GPR158: variants seen among roughly 807,000 people sequenced by gnomAD.
The protein encoded by GPR158 is G protein-coupled receptor 158.
A neutral mutation model predicts 78.2 loss-of-function variants in GPR158; 30 were observed. The observed-to-expected ratio is 0.38, with a 90% confidence interval of 0.29 to 0.52. The LOEUF is 0.52. GPR158 is among the 20% of genes least tolerant of loss of function. The probability of loss-of-function intolerance (pLI) is 0.83; values close to 1 mark genes in which losing one functional copy is unlikely to be tolerated. For synonymous variants in GPR158, 581 were observed against 591.1 expected (o/e 0.98, Z 0.25); for missense variants, 1,463 against 1,523.5 (o/e 0.96, Z 0.66).
At chr10:25,514,806 A>AG (rs1836138437) in intron 5 of GPR158, among the ~76,000 whole-genome samples, 1 of 152,106 alleles carries the variant, frequency 6.6e-6, no homozygotes, top group Non-Finnish European at 1.5e-5. Flanking sequence ...TTCTTGGCTG[A>AG]TAACTGTTTT....
intron 3 of GPR158, among the ~76,000 whole-genome samples, chr10:25,399,023 A>C (rs891713477): frequency 3.7e-4 from 56 of 152,162 alleles, no homozygotes; most frequent in Non-Finnish European, 2.1e-4. Context: ...AGAAATAGTC[A>C]AGACTGAATA....
intron 2 of GPR158, among the ~76,000 whole-genome samples, chr10:25,377,422 G>A (rs1397822471): frequency 6.6e-6 from 1 of 151,912 alleles, no homozygotes; most frequent in Non-Finnish European, 1.5e-5. Flanking sequence ...CCTTTCTAAA[G>A]TGTAGAATTC....
chr10:25,366,498 C>T (rs1245051612), intron 2 of GPR158, among the ~76,000 whole-genome samples: 1 of 151,604 alleles, frequency 6.6e-6, no homozygotes, highest in Non-Finnish European at 1.5e-5. Context: ...GATCTGTGCA[C>T]ACATTGTGGA....
At chr10:25,411,170 A>G (rs1834579952) in intron 3 of GPR158, among the ~76,000 whole-genome samples, 1 of 152,030 alleles carries the variant, frequency 6.6e-6, no homozygotes. Flanking sequence ...ACTATTAAAG[A>G]TAATCTTTAC....
At chr10:25,388,747 C>T (rs2130517550) in intron 2 of GPR158, among the ~76,000 whole-genome samples, 1 of 152,326 alleles carries the variant, frequency 6.6e-6, no homozygotes, top group East Asian at 1.9e-4. Context: ...GCTGCAGCTG[C>T]CCAAGTTGTG....
At chr10:25,254,135 C>A (rs1853856501) in intron 2 of GPR158, among the ~76,000 whole-genome samples, 2 of 152,140 alleles carry the variant, frequency 1.3e-5, no homozygotes, top group African/African-American at 2.4e-5. Flanking sequence ...TATTCTACTG[C>A]TTGTACTTGG....
chr10:25,520,568 C>G (rs1366129414), intron 5 of GPR158, among the ~76,000 whole-genome samples: 4 of 150,230 alleles, frequency 2.7e-5, no homozygotes, highest in South Asian at 2.1e-4. Flanking sequence ...GATGTCCTTT[C>G]TGTTTGTTAG....
rs578086039 is a variant in GPR158, at chr10:25,292,539, C to T, written c.1008+71382C>T. Among the ~76,000 whole-genome samples the T allele has an allele frequency of 1.5e-3, 232 of 152,048 alleles. 1 individual carries two copies. Among genetic ancestry groups the T allele is most frequent in the African/African-American group, 5.4e-3 (223 of 41,470 alleles). On this transcript the variant is annotated intron_variant, in intron 2 of 10. Transcript: ENST00000376351. Reference sequence around the variant, plus strand: ...ACTCTCTTTTTATCATTAGATTATTCGCTCTATATAGCAGAATCATTGAAT... The same window carrying T: ...ACTCTCTTTTTATCATTAGATTATTTGCTCTATATAGCAGAATCATTGAAT...
intron 2 of GPR158, among the ~76,000 whole-genome samples, chr10:25,237,094 G>A (rs946289681): frequency 9.9e-5 from 15 of 152,186 alleles, no homozygotes; most frequent in Admixed American, 8.5e-4. Flanking sequence ...GGCAAGGGCT[G>A]TGACCTACTT....
chr10:25,468,040 G>A (rs1835449308), intron 5 of GPR158, among the ~76,000 whole-genome samples: 2 of 152,094 alleles, frequency 1.3e-5, no homozygotes, highest in Admixed American at 6.6e-5. Flanking sequence ...AGGTCGTATC[G>A]TGGTTAAATC....
At chr10:25,280,897 A>G (rs1295052177) in intron 2 of GPR158, among the ~76,000 whole-genome samples, 2 of 152,116 alleles carry the variant, frequency 1.3e-5, no homozygotes, top group East Asian at 1.9e-4. Context: ...GCACTTTGGG[A>G]GGCTGAAGGG....
chr10:25,454,561 C>T (rs1564460068), intron 4 of GPR158, among the ~76,000 whole-genome samples: 1 of 152,056 alleles, frequency 6.6e-6, no homozygotes, highest in Non-Finnish European at 1.5e-5. Context: ...AATGGGAGGG[C>T]TAATGGCAGG....
chr10:25,266,629 T>C (rs1854048277), intron 2 of GPR158, among the ~76,000 whole-genome samples: 1 of 152,170 alleles, frequency 6.6e-6, no homozygotes, highest in Non-Finnish European at 1.5e-5. Flanking sequence ...AAGGAAGCTG[T>C]TTCCTTTTTT....
At chr10:25,213,477 T>G (rs1455387822) in intron 1 of GPR158, among the ~76,000 whole-genome samples, 2 of 152,186 alleles carry the variant, frequency 1.3e-5, no homozygotes, top group African/African-American at 4.8e-5. Flanking sequence ...TTCCACTATA[T>G]CATGACATAA....
intron 5 of GPR158, among the ~76,000 whole-genome samples, chr10:25,474,909 A>G (rs76870104): frequency 0.078 from 11,887 of 151,784 alleles, 1,074 homozygotes; most frequent in African/African-American, 0.22. Flanking sequence ...TTAGGCAATA[A>G]AAACACTTTC....
intron 6 of GPR158, among the ~76,000 whole-genome samples, chr10:25,553,560 C>T (rs1836752158): frequency 6.6e-6 from 1 of 152,100 alleles, no homozygotes; most frequent in Non-Finnish European, 1.5e-5. Context: ...ATGTGAACAA[C>T]CTGAAGGAAG....
chr10:25,262,661 C>G (rs973972344), intron 2 of GPR158, among the ~76,000 whole-genome samples: 2 of 152,164 alleles, frequency 1.3e-5, no homozygotes, highest in Non-Finnish European at 2.9e-5. Context: ...GAACCTCCCC[C>G]ACTGTCTACA....
chr10:25,404,309 G>A (rs1834483541), intron 3 of GPR158, among the ~76,000 whole-genome samples: 1 of 152,004 alleles, frequency 6.6e-6, no homozygotes. Context: ...GTCAAATGAA[G>A]TTAAATACAT....
At chr10:25,339,176 G>A (rs78148465) in intron 2 of GPR158, among the ~76,000 whole-genome samples, 21,941 of 151,560 alleles carry the variant, frequency 0.14, 3,023 homozygotes, top group African/African-American at 0.36. Context: ...TTATACAGAT[G>A]GGGTCTTGCT....
Sources: gnomAD v4.1 joint callset for allele counts (sites outside exome capture counted in the v4.1 genomes callset) on GRCh38, gnomAD v4.1.1 for gene constraint, MANE v1.5 for transcripts, NCBI Gene and HGNC (gene_info 2026-07-23, HGNC 2026-07-21) for gene names.